UTS2B: variants seen among roughly 807,000 people sequenced by gnomAD.
UTS2B encodes the protein urotensin 2B.
Under a neutral mutation model 19.2 loss-of-function variants are expected in UTS2B, and 21 were observed. That is an observed-to-expected ratio of 1.09 (90% CI 0.78 to 1.58). UTS2B has a LOEUF of 1.58. Among genes scored for constraint, UTS2B ranks in the 40% most tolerant of loss-of-function variants. UTS2B has a pLI of 0.00. For missense variants in UTS2B, 138 were observed against 130.3 expected (o/e 1.06, Z -0.29); for synonymous variants, 57 against 50.2 (o/e 1.14, Z -0.58).
rs1184206089 is a variant in UTS2B at position 191,276,798 on chromosome 3, C to T, written c.240+9G>A. On this transcript the variant is annotated intron_variant, in intron 7 of 8. Coordinates refer to ENST00000340524, the MANE Select transcript of UTS2B (RefSeq NM_198152.5). ...TAAAACTGCTCATTTAAGTATTTCACATTCTCACCTGGTTAAGTTCTTCCA... is the reference window on the plus strand; with the variant it reads ...TAAAACTGCTCATTTAAGTATTTCATATTCTCACCTGGTTAAGTTCTTCCA... The T allele has an allele frequency of 1.2e-6, 2 of 1,609,936 alleles. No individual in the cohort carries two copies. The highest frequency in any genetic ancestry group is 2.2e-5 in the East Asian group (1 of 44,696).
At chr3:191,282,439 A>G in intron 4 of UTS2B, 126 bp from the exon 5 acceptor site, 1 of 389,722 alleles carries the variant, frequency 2.6e-6, no homozygotes, top group Non-Finnish European at 4.6e-6. Context: ...GAAGAACCCA[A>G]TCAATACATC....
At chr3:191,345,593 G>A in the UTS2B span, among the ~76,000 whole-genome samples, 1 of 152,116 alleles carries the variant, frequency 6.6e-6, no homozygotes, top group Non-Finnish European at 1.5e-5. Flanking sequence ...TAGTACTTCT[G>A]ATGTGAGGAC....
upstream of UTS2B, among the ~76,000 whole-genome samples, chr3:191,332,716 A>G (rs1387089251): frequency 6.6e-6 from 1 of 152,178 alleles, no homozygotes; most frequent in Non-Finnish European, 1.5e-5. Flanking sequence ...ACAAACTTAC[A>G]TTTTTCAGGG....
At chr3:191,306,003 T>C (rs1296309760) in intron 3 of UTS2B, among the ~76,000 whole-genome samples, 1 of 152,204 alleles carries the variant, frequency 6.6e-6, no homozygotes, top group East Asian at 1.9e-4. Flanking sequence ...TTCTATGTTC[T>C]CTATTCTGTT....
chr3:191,316,979 C>T (rs747583609), intron 2 of UTS2B, among the ~76,000 whole-genome samples: 2 of 152,262 alleles, frequency 1.3e-5, no homozygotes, highest in African/African-American at 4.8e-5. Flanking sequence ...GGGCTGCCGG[C>T]GGAGCCTCCC....
At chr3:191,323,946 T>C (rs192657499) in intron 2 of UTS2B, among the ~76,000 whole-genome samples, 194 of 152,050 alleles carry the variant, frequency 1.3e-3, no homozygotes, top group African/African-American at 4.3e-3. Context: ...CTGAGAGGAG[T>C]TGGCGGAGAT....
At chr3:191,329,518 C>T in intron 1 of UTS2B, 1 of 631,994 alleles carries the variant, frequency 1.6e-6, no homozygotes, top group Non-Finnish European at 2.6e-6. Flanking sequence ...TGGTCACCAG[C>T]CCCTGCCCGC....
At chr3:191,343,215 G>C in the UTS2B span, among the ~76,000 whole-genome samples, 1 of 152,182 alleles carries the variant, frequency 6.6e-6, no homozygotes, top group South Asian at 2.1e-4. Context: ...AGGGATGACT[G>C]TACTTATGAT....
the UTS2B span, among the ~76,000 whole-genome samples, chr3:191,336,132 G>GTTT: frequency 7.3e-6 from 1 of 137,210 alleles, no homozygotes; most frequent in African/African-American, 2.7e-5. Context: ...GTGTACAAGT[G>GTTT]TTTTTTTTTT....
intron 2 of UTS2B, among the ~76,000 whole-genome samples, chr3:191,327,009 T>C (rs1230176661): frequency 6.6e-6 from 1 of 152,216 alleles, no homozygotes; most frequent in Non-Finnish European, 1.5e-5. Context: ...TTCCATTTCT[T>C]CTCTAGGCCA....
At chr3:191,330,044 GACTT>G (rs1717912123) in intron 1 of UTS2B, among the ~76,000 whole-genome samples, 2 of 151,912 alleles carry the variant, frequency 1.3e-5, no homozygotes, top group Admixed American at 1.3e-4. Flanking sequence ...GGGTGAATCT[GACTT>G]ACTCCGCTTC....
upstream of UTS2B, among the ~76,000 whole-genome samples, chr3:191,332,399 A>T (rs1718020925): frequency 6.6e-6 from 1 of 152,230 alleles, no homozygotes; most frequent in African/African-American, 2.4e-5. Context: ...AAAAGAATCA[A>T]GTCAACTAAG....
chr3:191,288,411 C>G (rs1716615566), intron 4 of UTS2B, among the ~76,000 whole-genome samples: 2 of 152,140 alleles, frequency 1.3e-5, no homozygotes, highest in South Asian at 4.1e-4. Flanking sequence ...GAGCATGCCA[C>G]TGGCATAACA....
intron 2 of UTS2B, among the ~76,000 whole-genome samples, chr3:191,321,338 TAACTA>T (rs1717605913): frequency 2.0e-5 from 3 of 152,342 alleles, no homozygotes; most frequent in Non-Finnish European, 2.9e-5. Context: ...TAAGACCTTT[TAACTA>T]TTTTTAAAAT....
At chr3:191,310,723 A>T (rs1455060742) in intron 3 of UTS2B, among the ~76,000 whole-genome samples, 1 of 117,238 alleles carries the variant, frequency 8.5e-6, no homozygotes, top group African/African-American at 2.9e-5. Context: ...CTGATATAGT[A>T]GCAATGATCA....
intron 2 of UTS2B, chr3:191,328,336 C>G (rs1717807114): frequency 6.6e-6 from 1 of 152,248 alleles, no homozygotes; most frequent in African/African-American, 2.4e-5. Flanking sequence ...GAAATGCCAG[C>G]TGCTCTGGGG....
chr3:191,339,989 C>A, the UTS2B span, among the ~76,000 whole-genome samples: 59 of 152,250 alleles, frequency 3.9e-4, no homozygotes, highest in African/African-American at 1.3e-3. Flanking sequence ...TGAAAGTTAG[C>A]ATGGCAATTA....
chr3:191,277,352 G>T (rs1176026950), intron 6 of UTS2B, among the ~76,000 whole-genome samples: 3 of 152,022 alleles, frequency 2.0e-5, no homozygotes, highest in African/African-American at 4.8e-5. Context: ...TAAAAACCCT[G>T]AATTTTAAAA....
At chr3:191,319,178 C>A (rs1717545667) in intron 2 of UTS2B, among the ~76,000 whole-genome samples, 1 of 152,114 alleles carries the variant, frequency 6.6e-6, no homozygotes, top group Non-Finnish European at 1.5e-5. Flanking sequence ...TGTATACTAT[C>A]CCTAGATATG....
Sources: gnomAD v4.1 joint callset for allele counts (sites outside exome capture counted in the v4.1 genomes callset) on GRCh38, gnomAD v4.1.1 for gene constraint, MANE v1.5 for transcripts, NCBI Gene and HGNC (gene_info 2026-07-23, HGNC 2026-07-21) for gene names.